The following BANK1 variants were observed in gnomAD, a reference collection of about 807,000 sequenced individuals.
The protein encoded by BANK1 is B-cell scaffold protein with ankyrin repeats.
In BANK1, 95 loss-of-function variants were observed where a neutral mutation model predicts 94.5. The observed-to-expected ratio is 1.00, with a 90% CI of 0.85 to 1.19. BANK1 has a LOEUF of 1.19. Ranked by LOEUF, BANK1 falls within the 50% of genes most tolerant of loss-of-function variation. The pLI, the probability that BANK1 is intolerant of heterozygous loss-of-function variation, is 0.00. For synonymous variants in BANK1, 334 were observed against 308.4 expected (o/e 1.08, Z -0.87); for missense variants, 987 against 932.2 (o/e 1.06, Z -0.77).
rs185828856 is a variant in BANK1, at chr4:101,890,427, C to T, written c.904-4878C>T. Among the ~76,000 whole-genome samples, 16 of 151,776 alleles carry T rather than the reference C, an allele frequency of 1.1e-4. No individual in the cohort carries two copies. The East Asian group carries it at 3.1e-3, about 29-fold the overall frequency. ...ATTATATAAGGTCCCTTTCTGTCTC[C>T]TGTAAATTTTTTTGCTCTGATGTCT... On this transcript the variant is annotated intron_variant, in intron 5 of 16. Coordinates refer to ENST00000322953, the MANE Select transcript of BANK1 (RefSeq NM_017935.5).
chr4:101,920,975 G>A (rs1314225729), intron 7 of BANK1, among the ~76,000 whole-genome samples: 1 of 151,800 alleles, frequency 6.6e-6, no homozygotes, highest in Non-Finnish European at 1.5e-5. Flanking sequence ...GAAGAGAAAG[G>A]AGAGAAGGAG....
intron 1 of BANK1, among the ~76,000 whole-genome samples, chr4:101,820,364 T>C (rs115412077): frequency 6.6e-6 from 1 of 152,224 alleles, no homozygotes; most frequent in Non-Finnish European, 1.5e-5. Flanking sequence ...TAACTCTAGT[T>C]ACTGATTCAA....
chr4:101,869,034 C>T (rs1180617482), intron 4 of BANK1, among the ~76,000 whole-genome samples: 1 of 151,698 alleles, frequency 6.6e-6, no homozygotes, highest in Non-Finnish European at 1.5e-5. Flanking sequence ...TAAATCAGTT[C>T]AGTTTCATGT....
Position 102,051,326 on chromosome 4 carries a change from T to C in BANK1, c.1969+7419T>C, listed in dbSNP as rs1342177461. 5.3e-5 allele frequency among the ~76,000 whole-genome samples: 8 copies of C among 152,284 alleles called. No homozygotes were observed. The East Asian group carries it at 1.5e-3, about 29-fold the overall frequency. On this transcript the variant is annotated intron_variant, in intron 11 of 16. Coordinates refer to ENST00000322953, the MANE Select transcript of BANK1 (RefSeq NM_017935.5). ...CTTTTCCAGTATACTTACATTTCCA[T>C]TTGTCATATTGCTCACAAAAGTTTT...
chr4:101,867,537 T>G (rs1037100632), intron 4 of BANK1, among the ~76,000 whole-genome samples: 3 of 151,936 alleles, frequency 2.0e-5, no homozygotes, highest in Non-Finnish European at 4.4e-5. Flanking sequence ...TTTTAATTGA[T>G]CTAAAAGATA....
intron 10 of BANK1, among the ~76,000 whole-genome samples, chr4:102,034,147 A>C (rs183932276): frequency 1.4e-3 from 208 of 152,318 alleles, no homozygotes; most frequent in Non-Finnish European, 2.3e-3. Context: ...GCCAGAGCCC[A>C]AAAATGGTAT....
intron 2 of BANK1, among the ~76,000 whole-genome samples, chr4:101,840,705 A>G (rs1187096454): frequency 6.6e-6 from 1 of 152,234 alleles, no homozygotes; most frequent in Non-Finnish European, 1.5e-5. Context: ...GTTAATAAAT[A>G]CATGGGTAAA....
chr4:101,895,449 A>G (rs1364582432), intron 6 of BANK1, 39 bp downstream of exon 6: 1 of 1,228,590 alleles, frequency 8.1e-7, no homozygotes, highest in Admixed American at 1.8e-5. Context: ...TCTTTTTATC[A>G]CATTCCATTC....
chr4:101,904,121 G>T (rs1414951549), intron 6 of BANK1, among the ~76,000 whole-genome samples: 1 of 152,216 alleles, frequency 6.6e-6, no homozygotes, highest in African/African-American at 2.4e-5. Context: ...GTTGTTTACT[G>T]CAGGAATTGT....
chr4:101,850,183 T>A (rs1727419208), intron 2 of BANK1, among the ~76,000 whole-genome samples: 2 of 152,200 alleles, frequency 1.3e-5, no homozygotes, highest in Admixed American at 6.5e-5. Flanking sequence ...ATAAAATATT[T>A]TTATTATTGC....
chr4:101,848,542 A>G (rs2148871133), intron 2 of BANK1, among the ~76,000 whole-genome samples: 1 of 152,348 alleles, frequency 6.6e-6, no homozygotes, highest in East Asian at 1.9e-4. Flanking sequence ...TACACTGGGA[A>G]AGGAAAGATT....
At chr4:101,874,579 T>C (rs1728416737) in intron 5 of BANK1, among the ~76,000 whole-genome samples, 1 of 152,202 alleles carries the variant, frequency 6.6e-6, no homozygotes, top group Admixed American at 6.5e-5. Flanking sequence ...AGATACTTCC[T>C]TGCTACAAAC....
chr4:102,025,849 G>A (rs1727072922), intron 9 of BANK1, among the ~76,000 whole-genome samples: 2 of 151,996 alleles, frequency 1.3e-5, no homozygotes, highest in South Asian at 4.2e-4. Flanking sequence ...CTTGGAAGGA[G>A]TCTGTAGTTC....
At chr4:101,860,107 T>C (rs777689455) in intron 3 of BANK1, among the ~76,000 whole-genome samples, 1 of 152,100 alleles carries the variant, frequency 6.6e-6, no homozygotes, top group Non-Finnish European at 1.5e-5. Context: ...TATGGGGATA[T>C]AGAAGGAGAA....
chr4:101,986,941 C>A (rs1178448028), intron 7 of BANK1, among the ~76,000 whole-genome samples: 3 of 88,490 alleles, frequency 3.4e-5, no homozygotes, highest in East Asian at 3.3e-4. Flanking sequence ...AGTAGGCTTG[C>A]CAGTAAATAT....
chr4:101,857,625 T>G (rs1371778529), intron 3 of BANK1, among the ~76,000 whole-genome samples: 1 of 152,238 alleles, frequency 6.6e-6, no homozygotes, highest in African/African-American at 2.4e-5. Flanking sequence ...GCACTGCTCT[T>G]TTCCACAGAT....
intron 1 of BANK1, among the ~76,000 whole-genome samples, chr4:101,809,414 G>A (rs1725668082): frequency 6.6e-6 from 1 of 151,934 alleles, no homozygotes; most frequent in South Asian, 2.1e-4. Flanking sequence ...CTTAGGTGAT[G>A]GATGCACCAA....
intron 13 of BANK1, among the ~76,000 whole-genome samples, chr4:102,067,146 A>G (rs1309584662): frequency 2.0e-5 from 3 of 152,086 alleles, no homozygotes; most frequent in African/African-American, 7.2e-5. Context: ...AAAAATAGAT[A>G]AAAAGAACTA....
intron 7 of BANK1, among the ~76,000 whole-genome samples, chr4:101,992,004 T>A (rs1272294261): frequency 1.3e-5 from 2 of 152,152 alleles, no homozygotes. Context: ...TGTGGGTATG[T>A]AGGACATAAG....
Sources: gnomAD v4.1 joint callset for allele counts (sites outside exome capture counted in the v4.1 genomes callset) on GRCh38, gnomAD v4.1.1 for gene constraint, MANE v1.5 for transcripts, NCBI Gene and HGNC (gene_info 2026-07-23, HGNC 2026-07-21) for gene names.